The following UNC5D variants were observed in gnomAD, a reference collection of about 807,000 sequenced individuals.
UNC5D encodes unc-5 netrin receptor D.
Under a neutral mutation model 105.4 loss-of-function variants are expected in UNC5D, and 39 were observed. That is an observed-to-expected ratio of 0.37 (90% CI 0.29 to 0.48). UNC5D has a LOEUF of 0.48. Among genes scored for constraint, UNC5D ranks in the 20% least tolerant of loss-of-function variants. The pLI is 0.98. For missense variants in UNC5D, 991 were observed against 1,202.4 expected (o/e 0.82, Z 2.60); for synonymous variants, 452 against 450.4 (o/e 1.00, Z -0.04).
At chr8:35,639,308 C>T (rs1212733603) in intron 4 of UNC5D, among the ~76,000 whole-genome samples, 1 of 152,148 alleles carries the variant, frequency 6.6e-6, no homozygotes, top group African/African-American at 2.4e-5. Flanking sequence ...TTTATTTGCT[C>T]ATATTGAGTG....
chr8:35,696,990 T>C (rs974386743), intron 7 of UNC5D, among the ~76,000 whole-genome samples: 1 of 152,166 alleles, frequency 6.6e-6, no homozygotes, highest in African/African-American at 2.4e-5. Context: ...TCAGATCTTT[T>C]GTTAACTAGT....
Position 35,305,812 on chromosome 8 carries a change from T to C in UNC5D, c.103+69925T>C, listed in dbSNP as rs560041897. On this transcript the variant is annotated intron_variant, in intron 1 of 16. Transcript: ENST00000404895. ...TCTTTCTTTCTCTCTTTTCTTTCTT[T>C]CTCTCTTTTTCTTTCTTCCTCCCTC... is the stretch of plus-strand genomic sequence containing the variant. Among the ~76,000 whole-genome samples, 497 of 150,038 alleles carry C rather than the reference T, an allele frequency of 3.3e-3. 5 individuals carry two copies. Among genetic ancestry groups the C allele is most frequent in the African/African-American group, 0.012 (482 of 40,856 alleles).
intron 1 of UNC5D, among the ~76,000 whole-genome samples, chr8:35,293,890 G>T (rs1807263569): frequency 6.6e-6 from 1 of 152,186 alleles, no homozygotes; most frequent in Admixed American, 6.5e-5. Context: ...TCTAGAGACT[G>T]AATTAGAGAC....
At chr8:35,452,752 A>G (rs1026827409) in intron 1 of UNC5D, among the ~76,000 whole-genome samples, 6 of 152,142 alleles carry the variant, frequency 3.9e-5, no homozygotes, top group African/African-American at 1.4e-4. Flanking sequence ...TTACATAGAA[A>G]AATAAGTGGG....
intron 1 of UNC5D, among the ~76,000 whole-genome samples, chr8:35,432,554 A>G (rs1266479083): frequency 1.3e-5 from 2 of 152,186 alleles, no homozygotes; most frequent in African/African-American, 2.4e-5. Flanking sequence ...TTTAACTCCA[A>G]CTAGAATCAC....
In UNC5D at chr8:35,795,775, T is replaced by C. The variant is rs961494641; in HGVS notation, c.*5212T>C. ...GGAAAAGCACTCAGAATCTGGGAAT[T>C]TTCTGGTTGGAAGAACAATGTTCTC... On this transcript the variant is annotated 3_prime_UTR_variant, in exon 17 of 17. Coordinates refer to ENST00000404895, the MANE Select transcript of UNC5D (RefSeq NM_080872.4). 1 of 152,194 alleles carries C rather than the reference T, an allele frequency of 6.6e-6. No individual in the cohort carries two copies. Among genetic ancestry groups the C allele is most frequent in the African/African-American group, 2.4e-5 (1 of 41,460 alleles). The allele number at this position is 152,194 out of a possible 1,614,324, so 9.4% of individuals were successfully genotyped here. A position where few individuals can be genotyped will look rare whatever the true frequency, so the allele number is the denominator to read the frequency against.
chr8:35,459,980 A>G (rs1808775364), intron 1 of UNC5D, among the ~76,000 whole-genome samples: 1 of 152,178 alleles, frequency 6.6e-6, no homozygotes. Flanking sequence ...ATTCGGCTCC[A>G]CGATTCATCA....
intron 4 of UNC5D, among the ~76,000 whole-genome samples, chr8:35,616,464 G>T (rs1821032588): frequency 6.6e-6 from 1 of 152,194 alleles, no homozygotes. Flanking sequence ...GGGCATGTCT[G>T]TGATTCCCGG....
At chr8:35,444,387 T>C (rs1430745589) in intron 1 of UNC5D, among the ~76,000 whole-genome samples, 3 of 152,112 alleles carry the variant, frequency 2.0e-5, no homozygotes, top group African/African-American at 7.2e-5. Context: ...AATCAGCCTA[T>C]TGCAGACTTC....
chr8:35,303,633 A>G (rs1309160079), intron 1 of UNC5D, among the ~76,000 whole-genome samples: 1 of 152,160 alleles, frequency 6.6e-6, no homozygotes, highest in African/African-American at 2.4e-5. Flanking sequence ...ACTTAGTTGG[A>G]TACATTCTCT....
At chr8:35,483,068 G>A (rs929833422) in intron 1 of UNC5D, among the ~76,000 whole-genome samples, 3 of 151,994 alleles carry the variant, frequency 2.0e-5, no homozygotes, top group Non-Finnish European at 4.4e-5. Context: ...CTCCCAAAGT[G>A]CTGGGATTAC....
chr8:35,736,537 C>T (rs1829478255), intron 11 of UNC5D, among the ~76,000 whole-genome samples: 1 of 152,142 alleles, frequency 6.6e-6, no homozygotes. Context: ...AAAACCAAAA[C>T]CATAGTTGAT....
intron 1 of UNC5D, among the ~76,000 whole-genome samples, chr8:35,354,580 C>T (rs1400821838): frequency 2.0e-5 from 3 of 151,996 alleles, no homozygotes; most frequent in Non-Finnish European, 4.4e-5. Flanking sequence ...TGTTAATGTA[C>T]CTTTACTAAG....
chr8:35,592,497 AAATTAGAC>A (rs1819233761), intron 3 of UNC5D, among the ~76,000 whole-genome samples: 1 of 152,234 alleles, frequency 6.6e-6, no homozygotes, highest in Admixed American at 6.5e-5. Flanking sequence ...ATTCAGAAAC[AAATTAGAC>A]TGGGTGCCCT....
chr8:35,493,040 C>T (rs1017569820), intron 1 of UNC5D, among the ~76,000 whole-genome samples: 1 of 151,782 alleles, frequency 6.6e-6, no homozygotes, highest in African/African-American at 2.4e-5. Flanking sequence ...GGAAGTTTTC[C>T]TCAGTTCGAC....
intron 1 of UNC5D, among the ~76,000 whole-genome samples, chr8:35,337,309 T>TA (rs1236196677): frequency 6.6e-6 from 1 of 152,232 alleles, no homozygotes; most frequent in African/African-American, 2.4e-5. Context: ...TCTTTTCAAT[T>TA]AAAAATTGGT....
At chr8:35,378,727 G>A (rs534911054) in intron 1 of UNC5D, among the ~76,000 whole-genome samples, 5 of 152,288 alleles carry the variant, frequency 3.3e-5, no homozygotes, top group Admixed American at 6.5e-5. Context: ...GCCAGTGGAA[G>A]CTCTAAAGAG....
chr8:35,459,270 G>T (rs10113333), intron 1 of UNC5D, among the ~76,000 whole-genome samples: 42,554 of 152,044 alleles, frequency 0.28, 7,761 homozygotes, highest in African/African-American at 0.52. Flanking sequence ...ATTTGGGGTG[G>T]CTTGGTCAGT....
intron 1 of UNC5D, among the ~76,000 whole-genome samples, chr8:35,509,544 C>A (rs1000149381): frequency 1.5e-5 from 2 of 130,402 alleles, no homozygotes; most frequent in African/African-American, 5.9e-5. Flanking sequence ...AGACCCTGGG[C>A]CATACTACAT....
Sources: allele counts gnomAD v4.1 joint callset (sites outside exome capture counted in the v4.1 genomes callset), GRCh38; gene constraint gnomAD v4.1.1; transcripts MANE v1.5; gene names NCBI Gene and HGNC (gene_info 2026-07-23, HGNC 2026-07-21).